Variants in GKAP1 observed in about 807,000 individuals in gnomAD.
The protein encoded by GKAP1 is G kinase anchoring protein 1.
In GKAP1, 31 loss-of-function variants were observed where a neutral mutation model predicts 56.7. The ratio of observed to expected loss-of-function variants is 0.55; its 90% CI spans 0.41 to 0.74. GKAP1 has a LOEUF of 0.74. Ranked by LOEUF, GKAP1 falls within the 30% of genes least tolerant of loss-of-function variation. GKAP1 has a pLI of 0.00. For synonymous variants in GKAP1, 151 were observed against 138.6 expected (o/e 1.09, Z -0.63); for missense variants, 364 against 402.3 (o/e 0.90, Z 0.82).
At chr9:83,769,157 T>A (rs1375309607) in intron 7 of GKAP1, among the ~76,000 whole-genome samples, 187 bp from the exon 8 acceptor site, 1 of 152,214 alleles carries the variant, frequency 6.6e-6, no homozygotes, top group African/African-American at 2.4e-5. Flanking sequence ...CTCCAGAAGA[T>A]AAAACAGTAG....
intron 10 of GKAP1, among the ~76,000 whole-genome samples, chr9:83,745,899 T>C (rs1943285406): frequency 6.6e-6 from 1 of 152,218 alleles, no homozygotes; most frequent in East Asian, 1.9e-4. Flanking sequence ...CAAGTGATTC[T>C]TGCACTTCAG....
intron 8 of GKAP1, among the ~76,000 whole-genome samples, chr9:83,763,601 T>G (rs982298095): frequency 3.3e-5 from 5 of 152,176 alleles, no homozygotes; most frequent in African/African-American, 1.2e-4. Context: ...ACCCAAATTC[T>G]ACTCTAAGTT....
chr9:83,803,982 G>A (rs549417731), intron 3 of GKAP1, among the ~76,000 whole-genome samples: 2 of 147,956 alleles, frequency 1.4e-5, no homozygotes, highest in South Asian at 2.2e-4. Context: ...CTGCCCAGCC[G>A]CCCCGTCTGA....
In GKAP1 at chr9:83,806,542, C is replaced by T. The variant is rs1194895139; in HGVS notation, c.-25G>A. 6 of 1,597,560 alleles carry T rather than the reference C, an allele frequency of 3.8e-6. No individual in the cohort carries two copies. Among genetic ancestry groups the T allele is most frequent in the Non-Finnish European group, 5.1e-6 (6 of 1,168,584 alleles). Reference sequence around the variant, plus strand: ...TCGTAAAGATTTTTCTTTTAAAATACTTCTGTCAAGAATAATTTCTGTGGG... The same window carrying T: ...TCGTAAAGATTTTTCTTTTAAAATATTTCTGTCAAGAATAATTTCTGTGGG... On this transcript the variant is annotated 5_prime_UTR_variant, in exon 3 of 13. Coordinates refer to ENST00000376371, the MANE Select transcript of GKAP1 (RefSeq NM_025211.4).
chr9:83,791,007 A>C (rs1423263904), intron 4 of GKAP1, among the ~76,000 whole-genome samples: 2 of 152,218 alleles, frequency 1.3e-5, no homozygotes, highest in African/African-American at 4.8e-5. Flanking sequence ...CAGGTTAGGA[A>C]GTTGGAAGTC....
chr9:83,762,488 T>C (rs1446265719), intron 8 of GKAP1, among the ~76,000 whole-genome samples: 1 of 152,166 alleles, frequency 6.6e-6, no homozygotes, highest in Non-Finnish European at 1.5e-5. Flanking sequence ...CAAAGCAATC[T>C]ACAGATTCAA....
intron 9 of GKAP1, 105 bp downstream of exon 9, chr9:83,753,153 A>G (rs890874966): frequency 5.7e-5 from 37 of 650,230 alleles, no homozygotes; most frequent in Non-Finnish European, 8.6e-5. Flanking sequence ...AAACAGAATG[A>G]CTATTCCCAT....
chr9:83,756,914 C>T (rs919442427), intron 8 of GKAP1, among the ~76,000 whole-genome samples: 1 of 152,142 alleles, frequency 6.6e-6, no homozygotes, highest in Non-Finnish European at 1.5e-5. Flanking sequence ...AATGTATACT[C>T]ATTTTCAATG....
chr9:83,798,344 C>G (rs1484610934), intron 4 of GKAP1, among the ~76,000 whole-genome samples: 1 of 152,076 alleles, frequency 6.6e-6, no homozygotes, highest in Admixed American at 6.5e-5. Flanking sequence ...TTCCTGGACT[C>G]CACACACAAA....
chr9:83,746,478 G>A (rs892059499), intron 10 of GKAP1, among the ~76,000 whole-genome samples: 5 of 152,066 alleles, frequency 3.3e-5, no homozygotes, highest in Non-Finnish European at 7.4e-5. Flanking sequence ...CGAGGCGGGT[G>A]GATCACGAGG....
intron 5 of GKAP1, among the ~76,000 whole-genome samples, chr9:83,785,646 C>T (rs1349761461): frequency 1.3e-5 from 2 of 152,178 alleles, no homozygotes; most frequent in East Asian, 3.8e-4. Context: ...TTTAACTTAT[C>T]TCCTGAAGAT....
rs11140250 is a variant in GKAP1 at position 83,786,863 on chromosome 9, G to A, written c.438+1738C>T. On this transcript the variant is annotated intron_variant, in intron 5 of 12. Coordinates refer to ENST00000376371, the MANE Select transcript of GKAP1 (RefSeq NM_025211.4). ...CTATTTACTCTATTTCTCCTCTAAGGATACAGGTAATCCTTCTAGCTTTAG... is the reference window on the plus strand; with the variant it reads ...CTATTTACTCTATTTCTCCTCTAAGAATACAGGTAATCCTTCTAGCTTTAG... 8.0e-3 allele frequency among the ~76,000 whole-genome samples: 1,214 copies of A among 152,194 alleles called. 30 individuals carry two copies. The highest frequency in any genetic ancestry group is 0.037 in the East Asian group (189 of 5,168).
intron 7 of GKAP1, among the ~76,000 whole-genome samples, chr9:83,776,181 G>A (rs1943858427): frequency 6.6e-6 from 1 of 152,080 alleles, no homozygotes; most frequent in African/African-American, 2.4e-5. Context: ...TGTTTATGCT[G>A]GATTGAGTTG....
chr9:83,777,881 G>A (rs1943889691), intron 7 of GKAP1, among the ~76,000 whole-genome samples: 1 of 152,090 alleles, frequency 6.6e-6, no homozygotes, highest in Non-Finnish European at 1.5e-5. Context: ...TGGAAAAAAA[G>A]ATCTTCTAAA....
At position 83,806,521 on chromosome 9, in the gene GKAP1, A is replaced by T. The variant is rs368666812; in HGVS notation, c.-4T>A. ...AACTAAGTACTGCTGAGGCCATCGT[A>T]AAGATTTTTCTTTTAAAATACTTCT... On this transcript the variant is annotated 5_prime_UTR_variant, in exon 3 of 13. Coordinates refer to ENST00000376371, the MANE Select transcript of GKAP1 (RefSeq NM_025211.4). 3.0e-5 allele frequency: 49 copies of T among 1,609,722 alleles called. No individual in the cohort carries two copies. In the African/African-American group the frequency reaches 5.7e-4, roughly 19 times the overall value.
At chr9:83,810,820 G>A (rs1437825965) in intron 2 of GKAP1, among the ~76,000 whole-genome samples, 5 of 152,234 alleles carry the variant, frequency 3.3e-5, no homozygotes, top group African/African-American at 9.6e-5. Flanking sequence ...GATACGTTGT[G>A]AGAAATGCAT....
At chr9:83,760,628 G>C (rs1385723541) in intron 8 of GKAP1, among the ~76,000 whole-genome samples, 2 of 152,058 alleles carry the variant, frequency 1.3e-5, no homozygotes, top group Non-Finnish European at 2.9e-5. Context: ...CACAAAACAA[G>C]TCCTAAAACA....
Position 83,763,062 on chromosome 9 carries a change from A to C in GKAP1, c.738+5756T>G, listed in dbSNP as rs1249176662. Among the ~76,000 whole-genome samples the C allele has an allele frequency of 2.0e-5, 3 of 152,230 alleles. No individual in the cohort carries two copies. The East Asian group carries it at 5.8e-4, about 29-fold the overall frequency. ...TAAGTGTACATCAACAGATGAATAAATAAAGAAAATGTGGTATTTATACAC... is the reference window on the plus strand; with the variant it reads ...TAAGTGTACATCAACAGATGAATAACTAAAGAAAATGTGGTATTTATACAC... On this transcript the variant is annotated intron_variant, in intron 8 of 12. Coordinates refer to ENST00000376371, the MANE Select transcript of GKAP1 (RefSeq NM_025211.4).
intron 3 of GKAP1, among the ~76,000 whole-genome samples, chr9:83,804,651 C>T (rs1445170599): frequency 4.1e-5 from 6 of 146,194 alleles, no homozygotes; most frequent in African/African-American, 1.0e-4. Context: ...CCTGGCCAGC[C>T]GCCCCGTCCG....
Sources: gnomAD v4.1 joint callset for allele counts (sites outside exome capture counted in the v4.1 genomes callset) on GRCh38, gnomAD v4.1.1 for gene constraint, MANE v1.5 for transcripts, NCBI Gene and HGNC (gene_info 2026-07-23, HGNC 2026-07-21) for gene names.